The following RERG variants were observed in gnomAD, a reference collection of about 807,000 sequenced individuals.
RERG encodes ras-related and estrogen-regulated growth inhibitor.
Under a neutral mutation model 23.2 loss-of-function variants are expected in RERG, and 25 were observed. That is an observed-to-expected ratio of 1.08 (90% confidence interval 0.79 to 1.50). The LOEUF is 1.50. Ranked by LOEUF, RERG falls within the 40% of genes most tolerant of loss-of-function variation. The pLI is 0.00. For missense variants in RERG, 253 were observed against 250.1 expected, an observed-to-expected ratio of 1.01 and a Z score of -0.08; for synonymous variants, 81 against 89.1, an observed-to-expected ratio of 0.91 and a Z score of 0.51.
intron 2 of RERG, among the ~76,000 whole-genome samples, chr12:15,163,082 T>G (rs1759146920): frequency 6.6e-6 from 1 of 152,224 alleles, no homozygotes; most frequent in South Asian, 2.1e-4. Context: ...AGTTTCAACC[T>G]TTTGTTGAAA....
intron 2 of RERG, among the ~76,000 whole-genome samples, chr12:15,216,454 G>A (rs1448906036): frequency 1.3e-5 from 2 of 152,194 alleles, no homozygotes; most frequent in Non-Finnish European, 2.9e-5. Context: ...AGAAAGGTTG[G>A]TCACAGAATT....
intron 4 of RERG, 58 bp from the exon 5 acceptor site, chr12:15,109,575 G>T: frequency 7.5e-7 from 1 of 1,338,978 alleles, no homozygotes. Flanking sequence ...ATATATGGAT[G>T]CTGGTAATGC....
rs3084667 is a variant in RERG, at chr12:15,122,029, T to TA, written c.62-911dup. Reference sequence around the variant, plus strand: ...ATAGTTGAAAACAGTGGTTTTAAATTAAAAAAAAAAATTGGAGCGGGATGT... The same window carrying TA: ...ATAGTTGAAAACAGTGGTTTTAAATTAAAAAAAAAAAATTGGAGCGGGATGT... On this transcript the variant is annotated intron_variant, in intron 2 of 4. Transcript: ENST00000256953. Among the ~76,000 whole-genome samples, 405 of 148,982 alleles carry TA rather than the reference T, an allele frequency of 2.7e-3. 1 individual carries two copies. Among genetic ancestry groups the TA allele is most frequent in the African/African-American group, 5.8e-3 (236 of 40,626 alleles).
chr12:15,193,257 C>T (rs1865096927), intron 2 of RERG, among the ~76,000 whole-genome samples: 1 of 152,100 alleles, frequency 6.6e-6, no homozygotes, highest in South Asian at 2.1e-4. Flanking sequence ...GGTATGGCCT[C>T]AGGGATATCC....
intron 2 of RERG, among the ~76,000 whole-genome samples, chr12:15,205,890 A>G (rs901969786): frequency 1.3e-5 from 2 of 152,080 alleles, no homozygotes; most frequent in Non-Finnish European, 2.9e-5. Context: ...ACTGTCAAAG[A>G]GCAATTTAAT....
chr12:15,155,604 T>C (rs149578407), intron 2 of RERG, among the ~76,000 whole-genome samples: 129 of 152,218 alleles, frequency 8.5e-4, no homozygotes, highest in African/African-American at 2.6e-3. Flanking sequence ...GTGGTTGGGA[T>C]TGGGGGACTC....
At chr12:15,202,969 TTTGCTG>T (rs912813752) in intron 2 of RERG, among the ~76,000 whole-genome samples, 22 of 151,848 alleles carry the variant, frequency 1.4e-4, no homozygotes, top group Non-Finnish European at 1.9e-4. Context: ...TTCTTGTCTT[TTTGCTG>T]TTGCTGTTGC....
intron 2 of RERG, among the ~76,000 whole-genome samples, chr12:15,143,568 G>T (rs1057323809): frequency 1.6e-4 from 24 of 152,064 alleles, no homozygotes; most frequent in Non-Finnish European, 2.9e-5. Context: ...GTAACTACTG[G>T]CCCTGAGTTC....
At chr12:15,149,034 A>C (rs111777047) in intron 2 of RERG, among the ~76,000 whole-genome samples, 4,549 of 151,526 alleles carry the variant, frequency 0.03, 223 homozygotes, top group African/African-American at 0.1. Flanking sequence ...ACGCCCGGCT[A>C]ATTTTTTGTA....
At chr12:15,201,601 CAAT>C (rs199846014) in intron 2 of RERG, among the ~76,000 whole-genome samples, 1,755 of 147,856 alleles carry the variant, frequency 0.012, 32 homozygotes, top group African/African-American at 0.039. Flanking sequence ...TAGTAATTAA[CAAT>C]AATAATAATT....
At chr12:15,218,815 G>C (rs1391887286) in intron 1 of RERG, among the ~76,000 whole-genome samples, 1 of 151,836 alleles carries the variant, frequency 6.6e-6, no homozygotes, top group Non-Finnish European at 1.5e-5. Context: ...TCTCGTTTAT[G>C]TTTTTTTGAC....
At chr12:15,109,864 A>ACTT (rs1425382820) in intron 4 of RERG, among the ~76,000 whole-genome samples, 5 of 152,374 alleles carry the variant, frequency 3.3e-5, no homozygotes, top group African/African-American at 1.2e-4. Flanking sequence ...ACAATTAAGG[A>ACTT]CTTAGCAATT....
At chr12:15,189,781 T>C (rs187994415) in intron 2 of RERG, among the ~76,000 whole-genome samples, 1 of 152,186 alleles carries the variant, frequency 6.6e-6, no homozygotes, top group South Asian at 2.1e-4. Context: ...TAACCAAACA[T>C]GAGGACTAAG....
At chr12:15,144,097 G>A (rs928600504) in intron 2 of RERG, among the ~76,000 whole-genome samples, 1 of 152,122 alleles carries the variant, frequency 6.6e-6, no homozygotes, top group African/African-American at 2.4e-5. Flanking sequence ...GAGAGGAAAA[G>A]AGGAGTGAAG....
rs139650679 is a variant in RERG, at chr12:15,110,853, C to G, written c.192+491G>C. On this transcript the variant is annotated intron_variant, in intron 4 of 4. Coordinates refer to ENST00000256953, the MANE Select transcript of RERG (RefSeq NM_032918.3). Reference sequence around the variant, plus strand: ...ATCTCAGAAGTGACCGACCTAATACCAAATATTACAAGAAAGACATCTAAA... The same window carrying G: ...ATCTCAGAAGTGACCGACCTAATACGAAATATTACAAGAAAGACATCTAAA... 2.5e-4 allele frequency: 38 copies of G among 152,458 alleles called. No homozygotes were observed. In the East Asian group the frequency reaches 6.2e-3, roughly 25 times the overall value. 9.4% of individuals were successfully genotyped at this position (152,458 alleles called of 1,614,324 possible). A position where few individuals can be genotyped will look rare whatever the true frequency, so the allele number is the denominator to read the frequency against.
chr12:15,185,010 C>A (rs1864970879), intron 2 of RERG, among the ~76,000 whole-genome samples: 1 of 152,136 alleles, frequency 6.6e-6, no homozygotes, highest in Non-Finnish European at 1.5e-5. Context: ...GCATAAATAG[C>A]CTCAATATGA....
intron 2 of RERG, among the ~76,000 whole-genome samples, chr12:15,121,561 T>C (rs1426122930): frequency 2.0e-5 from 3 of 152,192 alleles, no homozygotes; most frequent in East Asian, 1.9e-4. Flanking sequence ...TAGCAGGTCA[T>C]TTGCATTTTA....
At chr12:15,164,315 TAAGTATTTGGGACATCCATAAAG>T (rs1220496689) in intron 2 of RERG, among the ~76,000 whole-genome samples, 2 of 152,200 alleles carry the variant, frequency 1.3e-5, no homozygotes, top group African/African-American at 4.8e-5. Flanking sequence ...CTAAACAATC[TAAGTATTTGGGACATCCATAAAG>T]CTAATGTCCA....
intron 2 of RERG, among the ~76,000 whole-genome samples, chr12:15,198,812 T>C (rs541951158): frequency 2.0e-5 from 3 of 152,276 alleles, no homozygotes; most frequent in African/African-American, 7.2e-5. Flanking sequence ...CCATTCTTCC[T>C]TTGTCACATC....
Sources: allele counts gnomAD v4.1 joint callset (sites outside exome capture counted in the v4.1 genomes callset), GRCh38; gene constraint gnomAD v4.1.1; transcripts MANE v1.5; gene names NCBI Gene and HGNC (gene_info 2026-07-23, HGNC 2026-07-21).